PLXDC2: variants seen among roughly 807,000 people sequenced by gnomAD.
The protein encoded by PLXDC2 is plexin domain containing 2.
In PLXDC2, 40 loss-of-function variants were observed where a neutral mutation model predicts 68.9. That is an observed-to-expected ratio of 0.58 (90% CI 0.45 to 0.76). The LOEUF (loss-of-function observed/expected upper bound fraction) is 0.76, where lower values mean the gene tolerates loss of function less well. PLXDC2 is among the 30% of genes least tolerant of loss of function. The probability of loss-of-function intolerance (pLI) is 0.00; values close to 1 mark genes in which losing one functional copy is unlikely to be tolerated. For synonymous variants in PLXDC2, 243 were observed against 234.2 expected, an observed-to-expected ratio of 1.04 and a Z score of -0.34; for missense variants, 644 against 661.9, an observed-to-expected ratio of 0.97 and a Z score of 0.30.
At chr10:20,105,048 CAAAAAAAAA>C (rs11289832) in intron 4 of PLXDC2, among the ~76,000 whole-genome samples, 28 of 97,270 alleles carry the variant, frequency 2.9e-4, no homozygotes, top group South Asian at 8.3e-4. Context: ...AGACTCCATC[CAAAAAAAAA>C]AAAAAAAAAA....
intron 1 of PLXDC2, among the ~76,000 whole-genome samples, chr10:19,878,068 A>G (rs922590444): frequency 6.6e-6 from 1 of 152,246 alleles, no homozygotes; most frequent in African/African-American, 2.4e-5. Flanking sequence ...TTGTCAAGTC[A>G]TTGAAAATAA....
At chr10:19,829,154 CTT>C (rs71388870) in intron 1 of PLXDC2, among the ~76,000 whole-genome samples, 22 of 94,424 alleles carry the variant, frequency 2.3e-4, no homozygotes, top group Middle Eastern at 8.9e-3. Flanking sequence ...ACGCTTTCCT[CTT>C]TTTTTTTTTT....
chr10:19,969,550 T>G (rs941838834), intron 1 of PLXDC2, among the ~76,000 whole-genome samples: 2 of 152,202 alleles, frequency 1.3e-5, no homozygotes, highest in Non-Finnish European at 2.9e-5. Context: ...CTTCAAAGCT[T>G]CATTGGAAAG....
chr10:20,253,209 A>G, intron 13 of PLXDC2, among the ~76,000 whole-genome samples: 1 of 151,766 alleles, frequency 6.6e-6, no homozygotes, highest in South Asian at 2.1e-4. Context: ...TACTAAAAAT[A>G]CAAAAATTAG....
chr10:19,821,094 T>A (rs1306005210), intron 1 of PLXDC2, among the ~76,000 whole-genome samples: 1 of 152,038 alleles, frequency 6.6e-6, no homozygotes, highest in African/African-American at 2.4e-5. Context: ...AAAATAAAAA[T>A]AAAAATAAGT....
intron 1 of PLXDC2, among the ~76,000 whole-genome samples, chr10:19,829,225 G>A (rs942635206): frequency 5.2e-5 from 6 of 115,160 alleles, no homozygotes; most frequent in African/African-American, 1.4e-4. Flanking sequence ...TGTCTTTATC[G>A]TTTCACTGAT....
At chr10:19,979,102 A>T (rs1468856624) in intron 1 of PLXDC2, among the ~76,000 whole-genome samples, 1 of 152,220 alleles carries the variant, frequency 6.6e-6, no homozygotes, top group African/African-American at 2.4e-5. Context: ...TAGCCTTAAA[A>T]TATATTTAAC....
At chr10:20,191,992 C>T (rs1435918764) in intron 9 of PLXDC2, among the ~76,000 whole-genome samples, 1 of 151,870 alleles carries the variant, frequency 6.6e-6, no homozygotes, top group African/African-American at 2.4e-5. Context: ...TCACTGAAGT[C>T]TATTAATTAT....
chr10:19,987,855 A>G (rs947521362), intron 1 of PLXDC2, among the ~76,000 whole-genome samples: 3 of 152,132 alleles, frequency 2.0e-5, no homozygotes, highest in Non-Finnish European at 4.4e-5. Context: ...GGCGTGAGCT[A>G]CCGCGCCCAG....
intron 1 of PLXDC2, among the ~76,000 whole-genome samples, chr10:19,932,703 A>G (rs771140899): frequency 6.6e-6 from 1 of 152,150 alleles, no homozygotes; most frequent in Non-Finnish European, 1.5e-5. Context: ...CATATCTCAT[A>G]TTGGAGGTTT....
At chr10:20,182,238 G>A (rs1049390542) in intron 9 of PLXDC2, among the ~76,000 whole-genome samples, 8 of 151,808 alleles carry the variant, frequency 5.3e-5, no homozygotes, top group Admixed American at 1.3e-4. Flanking sequence ...TTCCTTTACA[G>A]CGAATTCCTC....
chr10:20,224,602 G>T (rs1835262345), intron 12 of PLXDC2, among the ~76,000 whole-genome samples: 1 of 152,150 alleles, frequency 6.6e-6, no homozygotes, highest in African/African-American at 2.4e-5. Context: ...TCAATGGCAG[G>T]ATTTTTAATT....
intron 1 of PLXDC2, among the ~76,000 whole-genome samples, chr10:19,851,980 T>C (rs76035639): frequency 0.032 from 4,895 of 152,286 alleles, 108 homozygotes; most frequent in Non-Finnish European, 0.045. Context: ...GAGAAAATAC[T>C]GGATCAGGCC....
At chr10:20,126,569 C>T (rs192463979) in intron 4 of PLXDC2, among the ~76,000 whole-genome samples, 45 of 2,130 alleles carry the variant, frequency 0.021, 12 homozygotes, top group Non-Finnish European at 0.03. Context: ...ATAACACACA[C>T]GTTATATATG....
intron 4 of PLXDC2, among the ~76,000 whole-genome samples, chr10:20,107,072 A>ATATAGTATATATATACACTATATATATAC (rs1833501175): frequency 2.7e-5 from 4 of 148,392 alleles, no homozygotes; most frequent in Non-Finnish European, 4.5e-5. Flanking sequence ...TATGCTATAT[A>ATATAGTATATATATACACTATATATATAC]TATAGTATAT....
chr10:19,828,516 GTACA>G (rs1338830234), intron 1 of PLXDC2, among the ~76,000 whole-genome samples: 8 of 152,160 alleles, frequency 5.3e-5, no homozygotes, highest in Non-Finnish European at 8.8e-5. Flanking sequence ...TTAATCAGGA[GTACA>G]TGGAAAAGCC....
intron 12 of PLXDC2, among the ~76,000 whole-genome samples, chr10:20,223,007 G>A (rs1349472966): frequency 1.3e-5 from 2 of 152,032 alleles, no homozygotes. Flanking sequence ...AGAAGGGACA[G>A]GAAAGAGAAA....
chr10:20,044,122 T>TCCTTCCTTCCTTCCTTCCTTCCTTTCTC lies in PLXDC2; in HGVS notation c.325-2744_325-2743insTCCTTCCTTCCTTCCTTCCTTTCTCCCT, dbSNP rs71388894. 1.3e-4 allele frequency among the ~76,000 whole-genome samples: 13 copies of TCCTTCCTTCCTTCCTTCCTTCCTTTCTC among 99,738 alleles called. 3 individuals are homozygous for TCCTTCCTTCCTTCCTTCCTTCCTTTCTC. Among genetic ancestry groups the TCCTTCCTTCCTTCCTTCCTTCCTTTCTC allele is most frequent in the Non-Finnish European group, 2.3e-4 (11 of 48,724 alleles). 65.4% of individuals were successfully genotyped at this position (99,738 alleles called of 152,430 possible). ...TTCCTTCCTTCCTTCCTTCCTTCCT[T>TCCTTCCTTCCTTCCTTCCTTCCTTTCTC]CCTCCCTCCCTCCCTCTCTCTCTTT... On this transcript the variant is annotated intron_variant, in intron 2 of 13. Transcript: ENST00000377252.
Position 19,842,552 on chromosome 10 carries a change from C to T in PLXDC2, c.112+25361C>T, listed in dbSNP as rs77555313. ...CACTGAAACCTTGATCATTTAACCA[C>T]CTTATTTTCCCACTGGTTTGAGTCA... is the stretch of plus-strand genomic sequence containing the variant. On this transcript the variant is annotated intron_variant, in intron 1 of 13. Transcript: ENST00000377252. Among the ~76,000 whole-genome samples, 434 of 152,300 alleles carry T rather than the reference C, an allele frequency of 2.8e-3. 9 individuals are homozygous for T. The East Asian group carries it at 0.053, about 19-fold the overall frequency.
Sources: allele counts gnomAD v4.1 joint callset (sites outside exome capture counted in the v4.1 genomes callset), GRCh38; gene constraint gnomAD v4.1.1; transcripts MANE v1.5; gene names NCBI Gene and HGNC (gene_info 2026-07-23, HGNC 2026-07-21).